The following DUSP5 variants were observed in gnomAD, a reference collection of about 807,000 sequenced individuals.
DUSP5 encodes the protein dual specificity protein phosphatase 5.
In DUSP5, 22 loss-of-function variants were observed where a neutral mutation model predicts 33.6. The ratio of observed to expected loss-of-function variants is 0.66; its 90% CI spans 0.47 to 0.94. The LOEUF is 0.94. Ranked by LOEUF, DUSP5 falls within the 40% of genes least tolerant of loss-of-function variation. DUSP5 has a pLI of 0.00. For synonymous variants in DUSP5, 270 were observed against 231.1 expected, an observed-to-expected ratio of 1.17 and a Z score of -1.53; for missense variants, 551 against 522.1, an observed-to-expected ratio of 1.06 and a Z score of -0.54.
intron 2 of DUSP5, chr10:110,503,301 C>T (rs115748738): frequency 1.9e-3 from 298 of 160,322 alleles, no homozygotes; most frequent in African/African-American, 6.4e-3. Flanking sequence ...CAAACCATCC[C>T]GGTACCTGTC....
At chr10:110,498,533 C>A in intron 1 of DUSP5, 33 bp downstream of exon 1, 1 of 1,422,438 alleles carries the variant, frequency 7.0e-7, no homozygotes, top group South Asian at 1.5e-5. Flanking sequence ...ACGCTCGCCC[C>A]TCCGGCGCCC....
chr10:110,499,702 A>G (rs1860016894), intron 1 of DUSP5, among the ~76,000 whole-genome samples: 1 of 152,194 alleles, frequency 6.6e-6, no homozygotes, highest in African/African-American at 2.4e-5. Context: ...GTAGATGGTA[A>G]TCGTCCTTCT....
chr10:110,499,176 G>A (rs1860006435), intron 1 of DUSP5, among the ~76,000 whole-genome samples: 1 of 151,998 alleles, frequency 6.6e-6, no homozygotes, highest in Non-Finnish European at 1.5e-5. Flanking sequence ...CCTACAGCCA[G>A]CCAGCCACGA....
At chr10:110,507,610 G>A (rs917574133) in intron 3 of DUSP5, among the ~76,000 whole-genome samples, 15 of 152,194 alleles carry the variant, frequency 9.9e-5, no homozygotes, top group African/African-American at 1.4e-4. Context: ...CTTGGTGAAC[G>A]GCTTGGGGCA....
chr10:110,503,713 G>A (rs2134660103), intron 2 of DUSP5, among the ~76,000 whole-genome samples: 1 of 152,346 alleles, frequency 6.6e-6, no homozygotes, highest in South Asian at 2.1e-4. Context: ...CCTACAGCTG[G>A]TTCAAGGCAG....
chr10:110,499,554 T>C (rs1253738334), intron 1 of DUSP5, among the ~76,000 whole-genome samples: 2 of 152,050 alleles, frequency 1.3e-5, no homozygotes, highest in Non-Finnish European at 2.9e-5. Flanking sequence ...CGGCGCCGAG[T>C]TAGGAGCCTG....
Position 110,498,197 on chromosome 10 carries a change from C to T in DUSP5, c.76C>T (p.Leu26Phe). The part of the protein sequence containing the change: ...RKEAAARCVV[L>F]DCRPYLAFAA... ...GGAGGCGGCGGCGCGCTGCGTGGTG[C>T]TCGACTGCCGGCCCTATCTGGCCTT... The change falls in exon 1 of 4, where the codon CTC becomes TTC. Residue 26 changes from leucine (L) to phenylalanine (F), a missense_variant. Physicochemically the swap from Leu to Phe is conservative, Grantham distance 22. This residue lies in a region of DUSP5 where 381 missense variants were observed against 310.4 expected (regional missense o/e 1.23). Coordinates refer to ENST00000369583, the MANE Select transcript of DUSP5 (RefSeq NM_004419.4). The T allele has an allele frequency of 2.0e-6, 3 of 1,503,954 alleles. No individual in the cohort carries two copies. Among genetic ancestry groups the T allele is most frequent in the East Asian group, 2.9e-5 (1 of 34,886 alleles). The allele number at this position is 1,503,954 out of a possible 1,614,324, so 93.2% of individuals were successfully genotyped here. A position where few individuals can be genotyped will look rare whatever the true frequency, so the allele number is the denominator to read the frequency against.
intron 2 of DUSP5, among the ~76,000 whole-genome samples, chr10:110,506,024 G>A (rs997780723): frequency 2.6e-5 from 4 of 152,202 alleles, no homozygotes; most frequent in African/African-American, 9.6e-5. Flanking sequence ...TGAGTAGGTA[G>A]TGGTTATTTT....
At chr10:110,504,266 T>C (rs1384298947) in intron 2 of DUSP5, among the ~76,000 whole-genome samples, 1 of 152,250 alleles carries the variant, frequency 6.6e-6, no homozygotes, top group Non-Finnish European at 1.5e-5. Flanking sequence ...TCAAGATTCA[T>C]CTGGGGAACC....
At chr10:110,502,924 CCCTT>C (rs1246894115) in intron 2 of DUSP5, 55 bp downstream of exon 2, 1 of 1,604,020 alleles carries the variant, frequency 6.2e-7, no homozygotes, top group Non-Finnish European at 8.5e-7. Context: ...GCTCCTGTCT[CCCTT>C]CCTTCCTCAG....
chr10:110,503,077 C>G (rs1860076099), intron 2 of DUSP5, among the ~76,000 whole-genome samples: 1 of 152,184 alleles, frequency 6.6e-6, no homozygotes, highest in Non-Finnish European at 1.5e-5. Context: ...GGGCTTCCTT[C>G]CAGCAAACGA....
chr10:110,501,733 C>T (rs1212848438), intron 1 of DUSP5, among the ~76,000 whole-genome samples: 1 of 152,148 alleles, frequency 6.6e-6, no homozygotes, highest in African/African-American at 2.4e-5. Context: ...AAAGGAGTTT[C>T]CCAAGCAAGG....
intron 1 of DUSP5, among the ~76,000 whole-genome samples, chr10:110,498,810 C>G (rs1452038984): frequency 1.3e-5 from 2 of 152,008 alleles, no homozygotes. Flanking sequence ...GGGCACGAGC[C>G]CCCTTTCCAG....
In DUSP5 at chr10:110,502,703, TTTTG is replaced by T. The variant is rs1590516227; in HGVS notation, c.380-10_380-7del. The T allele has an allele frequency of 1.9e-6, 3 of 1,610,668 alleles. No homozygotes were observed. The highest frequency in any genetic ancestry group is 2.5e-6 in the Non-Finnish European group (3 of 1,177,544). On this transcript the variant is annotated splice_polypyrimidine_tract_variant and intron_variant, in intron 1 of 3. Coordinates refer to ENST00000369583, the MANE Select transcript of DUSP5 (RefSeq NM_004419.4). ...TTGATGCTTACCATCTGTCTCACCT[TTTTG>T]TTTGTTTTTGTAGGGGGATATGAGA...
intron 3 of DUSP5, among the ~76,000 whole-genome samples, chr10:110,508,925 A>G (rs1860152453): frequency 6.6e-6 from 1 of 152,132 alleles, no homozygotes; most frequent in African/African-American, 2.4e-5. Flanking sequence ...TATCTTTTAG[A>G]TCTTGCAGAT....
At position 110,498,035 on chromosome 10, in the gene DUSP5, C is replaced by CCCGCGGACACCCTGG; in HGVS notation, c.-83_-69dup. On this transcript the variant is annotated 5_prime_UTR_variant, in exon 1 of 4. Coordinates refer to ENST00000369583, the MANE Select transcript of DUSP5 (RefSeq NM_004419.4). The stretch of plus-strand genomic sequence containing the variant: ...CCGCGGGTCGCCCTCCCGTGCCTCG[C>CCCGCGGACACCCTGG]CCGCGGACACCCTGGCCGTGGACAC... 9.8e-7 allele frequency: 1 copy of CCCGCGGACACCCTGG among 1,025,002 alleles called. No individual in the cohort carries two copies. Among genetic ancestry groups the CCCGCGGACACCCTGG allele is most frequent in the East Asian group, 8.4e-5 (1 of 11,958 alleles). The allele number at this position is 1,025,002 out of a possible 1,614,324, so 63.5% of individuals were successfully genotyped here. A position where few individuals can be genotyped will look rare whatever the true frequency, so the allele number is the denominator to read the frequency against.
At chr10:110,499,199 CG>C (rs1321849173) in intron 1 of DUSP5, among the ~76,000 whole-genome samples, 3 of 152,018 alleles carry the variant, frequency 2.0e-5, no homozygotes, top group Admixed American at 6.6e-5. Flanking sequence ...TAGAGGTGCG[CG>C]GGGGCAGGGT....
intron 3 of DUSP5, among the ~76,000 whole-genome samples, chr10:110,507,727 T>C (rs903645604): frequency 2.0e-5 from 3 of 152,240 alleles, no homozygotes; most frequent in African/African-American, 7.2e-5. Flanking sequence ...TTCTGCATTC[T>C]TGTTACGCAG....
chr10:110,507,255 A>C, intron 3 of DUSP5, 101 bp downstream of exon 3: 1 of 1,253,112 alleles, frequency 8.0e-7, no homozygotes. Flanking sequence ...CTGAAAGAAA[A>C]GTGTCTTGTA....
Sources: allele counts gnomAD v4.1 joint callset (sites outside exome capture counted in the v4.1 genomes callset), GRCh38; gene constraint gnomAD v4.1.1; regional missense constraint gnomAD v4.1.1; transcripts MANE v1.5; gene names NCBI Gene and HGNC (gene_info 2026-07-23, HGNC 2026-07-21).